The following CCAR1 variants were observed in gnomAD, a reference collection of about 807,000 sequenced individuals.
The protein encoded by CCAR1 is cell division cycle and apoptosis regulator protein 1.
CCAR1 carries 78 observed loss-of-function variants against 163.8 expected under a neutral mutation model. The observed-to-expected ratio is 0.48, with a 90% CI of 0.40 to 0.57. CCAR1 has a LOEUF of 0.57. Ranked by LOEUF, CCAR1 falls within the 20% of genes least tolerant of loss-of-function variation. The probability of loss-of-function intolerance (pLI) is 0.00; values close to 1 mark genes in which losing one functional copy is unlikely to be tolerated. For synonymous variants in CCAR1, 443 were observed against 460.7 expected (o/e 0.96, Z 0.49); for missense variants, 1,019 against 1,365.2 (o/e 0.75, Z 4.00).
chr10:68,776,535 C>T (rs1160470317), intron 19 of CCAR1, among the ~76,000 whole-genome samples: 1 of 152,110 alleles, frequency 6.6e-6, no homozygotes, highest in Non-Finnish European at 1.5e-5. Flanking sequence ...CATTGCACTC[C>T]AGCCTGGGCA....
chr10:68,729,950 G>A (rs749378423), intron 2 of CCAR1, among the ~76,000 whole-genome samples: 6 of 150,798 alleles, frequency 4.0e-5, no homozygotes, highest in Non-Finnish European at 8.9e-5. Flanking sequence ...ATGGAGTTTC[G>A]CTCTTGTTGC....
intron 15 of CCAR1, among the ~76,000 whole-genome samples, chr10:68,758,665 ATATATACACACGTGTATATATATATT>A (rs2056430226): frequency 1.2e-4 from 1 of 8,606 alleles, no homozygotes; most frequent in African/African-American, 2.0e-4. Context: ...ATATATATGT[ATATATACACACGTGTATATATATATT>A]TTTTTTTTTG....
intron 5 of CCAR1, 32 bp from the exon 6 acceptor site, chr10:68,742,344 T>A: frequency 6.6e-7 from 1 of 1,517,700 alleles, no homozygotes; most frequent in East Asian, 2.3e-5. Flanking sequence ...TTCAAATCAT[T>A]ACCTTAATTT....
chr10:68,783,335 G>C (rs943164572), intron 19 of CCAR1, among the ~76,000 whole-genome samples: 1 of 151,932 alleles, frequency 6.6e-6, no homozygotes, highest in Non-Finnish European at 1.5e-5. Context: ...CACCACGCCT[G>C]GCTAATTTTT....
chr10:68,763,149 G>GT (rs932919548), intron 16 of CCAR1, among the ~76,000 whole-genome samples: 32 of 151,718 alleles, frequency 2.1e-4, no homozygotes, highest in African/African-American at 6.3e-4. Context: ...AACTTTATTT[G>GT]TTTATTTATT....
At chr10:68,777,050 G>T (rs1433591996) in intron 19 of CCAR1, among the ~76,000 whole-genome samples, 1 of 152,098 alleles carries the variant, frequency 6.6e-6, no homozygotes, top group Non-Finnish European at 1.5e-5. Flanking sequence ...CATCTTTCCA[G>T]TTGTTGAGAC....
intron 2 of CCAR1, among the ~76,000 whole-genome samples, chr10:68,730,213 C>T (rs761895405): frequency 2.0e-5 from 3 of 151,850 alleles, no homozygotes; most frequent in Non-Finnish European, 2.9e-5. Context: ...AGCTGCTGCG[C>T]CCAGCCCCTC....
chr10:68,733,402 C>T (rs1370884831), intron 2 of CCAR1, among the ~76,000 whole-genome samples: 1 of 152,136 alleles, frequency 6.6e-6, no homozygotes, highest in Non-Finnish European at 1.5e-5. Context: ...CAGAGTGAGA[C>T]CCTGTCTCAA....
intron 9 of CCAR1, 72 bp from the exon 10 acceptor site, chr10:68,749,447 CCTACT>C: frequency 7.6e-7 from 1 of 1,310,754 alleles, no homozygotes; most frequent in South Asian, 1.4e-5. Flanking sequence ...GCTTATATTA[CCTACT>C]CTATTTACTT....
chr10:68,737,105 G>A, intron 3 of CCAR1, 57 bp downstream of exon 3: 8 of 1,155,850 alleles, frequency 6.9e-6, no homozygotes, highest in South Asian at 1.4e-5. Flanking sequence ...AATCTGAGTA[G>A]CTAGCATTGC....
rs1031482580 is a variant in CCAR1, at chr10:68,749,645, C to G, written c.1078C>G (p.Pro360Ala). ...RSPRRVRRVV[P>A]RYTVQFSKFS... ...ACCTCGGAGAGTTCGACGTGTTGTT[C>G]CACGTTACACAGTTCAGTTTTCAAA... The change falls in exon 10 of 25, where the codon CCA (proline) becomes GCA (alanine). Residue 360 changes from proline to alanine, a missense_variant. Physicochemically the swap from Pro to Ala is conservative, Grantham distance 27. Coordinates refer to ENST00000265872, the MANE Select transcript of CCAR1 (RefSeq NM_018237.4). 6.2e-7 allele frequency: 1 copy of G among 1,613,280 alleles called. No individual in the cohort carries two copies. Among genetic ancestry groups the G allele is most frequent in the Admixed American group, 1.7e-5 (1 of 59,954 alleles).
At chr10:68,777,157 A>G (rs763101672) in intron 19 of CCAR1, among the ~76,000 whole-genome samples, 1 of 152,174 alleles carries the variant, frequency 6.6e-6, no homozygotes, top group Non-Finnish European at 1.5e-5. Flanking sequence ...TAACTTATCC[A>G]GAATCAGTCC....
Position 68,791,510 on chromosome 10 carries a change from A to G in CCAR1, c.*244A>G. 3.8e-6 allele frequency: 1 copy of G among 266,476 alleles called. No individual in the cohort carries two copies. The highest frequency in any genetic ancestry group is 7.2e-6 in the Non-Finnish European group (1 of 138,644). The allele number at this position is 266,476 out of a possible 1,614,324, so 16.5% of individuals were successfully genotyped here. On this transcript the variant is annotated 3_prime_UTR_variant, in exon 25 of 25. Transcript: ENST00000265872. ...TTGCATTGCAAAGTGTTTTAGGATG[A>G]ACTTTGTTATAGTTTTAACTCCAAT...
chr10:68,744,902 C>A (rs533349755), intron 6 of CCAR1, among the ~76,000 whole-genome samples: 1 of 150,106 alleles, frequency 6.7e-6, no homozygotes, highest in East Asian at 2.0e-4. Flanking sequence ...TGCAGTGTTG[C>A]GATCATAGTG....
chr10:68,730,439 G>C (rs562897421), intron 2 of CCAR1, among the ~76,000 whole-genome samples: 1 of 151,718 alleles, frequency 6.6e-6, no homozygotes, highest in Non-Finnish European at 1.5e-5. Flanking sequence ...TTGGGTTCAA[G>C]TGATTCTCCT....
At position 68,787,924 on chromosome 10, in the gene CCAR1, C is replaced by G; in HGVS notation, c.2881-3C>G. The G allele has an allele frequency of 1.3e-6, 2 of 1,597,764 alleles. No individual in the cohort carries two copies. Among genetic ancestry groups the G allele is most frequent in the Non-Finnish European group, 1.7e-6 (2 of 1,175,336 alleles). On this transcript the variant is annotated splice_region_variant and splice_polypyrimidine_tract_variant and intron_variant, in intron 21 of 24. Coordinates refer to ENST00000265872, the MANE Select transcript of CCAR1 (RefSeq NM_018237.4). ...GTATTTTGTTTACTTGCATGCATAA[C>G]AGGTAAAGAAGCTTCTTAATAAAGT...
intron 16 of CCAR1, among the ~76,000 whole-genome samples, chr10:68,765,467 G>A (rs917604180): frequency 2.0e-5 from 3 of 151,950 alleles, no homozygotes; most frequent in African/African-American, 7.3e-5. Context: ...TGGTTTGTGG[G>A]GATACCTTGT....
intron 2 of CCAR1, among the ~76,000 whole-genome samples, chr10:68,731,393 A>G (rs1413286469): frequency 9.8e-5 from 15 of 152,322 alleles, no homozygotes; most frequent in Admixed American, 8.5e-4. Flanking sequence ...CATTGAAATT[A>G]AAGTCTCAAG....
At chr10:68,737,498 CAAAAAAAAAA>C (rs1200590065) in intron 3 of CCAR1, among the ~76,000 whole-genome samples, 1 of 64,436 alleles carries the variant, frequency 1.6e-5, no homozygotes, top group Admixed American at 2.0e-4. Flanking sequence ...ACCCTGTGTC[CAAAAAAAAAA>C]AAAAAAAAAA....
Sources: allele counts gnomAD v4.1 joint callset (sites outside exome capture counted in the v4.1 genomes callset), GRCh38; gene constraint gnomAD v4.1.1; transcripts MANE v1.5; gene names NCBI Gene and HGNC (gene_info 2026-07-23, HGNC 2026-07-21).